SMCHD1: variants seen among roughly 807,000 people sequenced by gnomAD.
SMCHD1 encodes the protein structural maintenance of chromosomes flexible hinge domain containing 1.
Under a neutral mutation model 254.7 loss-of-function variants are expected in SMCHD1, and 78 were observed. That is an observed-to-expected ratio of 0.31 (90% CI 0.26 to 0.37). The LOEUF is 0.37. Ranked by LOEUF, SMCHD1 falls within the 10% of genes least tolerant of loss-of-function variation. SMCHD1 has a pLI of 1.00. For missense variants in SMCHD1, 1,840 were observed against 2,408.1 expected (o/e 0.76, Z 4.94); for synonymous variants, 766 against 794.9 (o/e 0.96, Z 0.61).
At chr18:2,713,491 C>T (rs1263980386) in intron 17 of SMCHD1, among the ~76,000 whole-genome samples, 8 of 151,812 alleles carry the variant, frequency 5.3e-5, no homozygotes, top group African/African-American at 1.9e-4. Flanking sequence ...ATAAACTGGT[C>T]TGGCCAACAT....
intron 17 of SMCHD1, among the ~76,000 whole-genome samples, chr18:2,711,479 GTCTTT>G (rs2074668808): frequency 9.6e-6 from 1 of 103,822 alleles, no homozygotes; most frequent in Admixed American, 1.0e-4. Context: ...TTGGATGTTT[GTCTTT>G]TTTTTTTTTT....
At chr18:2,744,887 C>T (rs2075421806) in intron 29 of SMCHD1, among the ~76,000 whole-genome samples, 1 of 152,012 alleles carries the variant, frequency 6.6e-6, no homozygotes, top group Non-Finnish European at 1.5e-5. Flanking sequence ...CCCAGGCTGG[C>T]GTGTGGAATG....
chr18:2,732,307 C>G lies in SMCHD1; in HGVS notation c.3091C>G (p.Leu1031Val). The change falls in exon 25 of 48, where the codon CTT (leucine) becomes GTT (valine). Residue 1031 changes from leucine (L) to valine (V), a missense_variant. Coordinates refer to ENST00000320876, the MANE Select transcript of SMCHD1 (RefSeq NM_015295.3). ...ACCTGTGGAGAAGACTATTAAGTTG[C>G]TTCCCAGTAGCCATGTTGCAAGACT... Reference protein sequence around the residue: ...VAPVEKTIKLLPSSHVARLQI... With the variant: ...VAPVEKTIKLVPSSHVARLQI... The G allele has an allele frequency of 6.2e-7, 1 of 1,613,724 alleles. No homozygotes were observed. Among genetic ancestry groups the G allele is most frequent in the South Asian group, 1.1e-5 (1 of 91,066 alleles).
chr18:2,758,947 G>A (rs1227131918), intron 34 of SMCHD1, among the ~76,000 whole-genome samples: 1 of 152,034 alleles, frequency 6.6e-6, no homozygotes, highest in Non-Finnish European at 1.5e-5. Context: ...CTTCCTTCCA[G>A]ATGATTACTT....
At chr18:2,688,248 A>G (rs1291375859) in intron 5 of SMCHD1, 146 bp from the exon 6 acceptor site, 6 of 613,432 alleles carry the variant, frequency 9.8e-6, no homozygotes, top group African/African-American at 1.8e-5. Context: ...ACTGGAGTAG[A>G]TGTCTTGACA....
intron 15 of SMCHD1, among the ~76,000 whole-genome samples, chr18:2,706,964 G>A (rs2074529447): frequency 6.6e-6 from 1 of 151,916 alleles, no homozygotes; most frequent in South Asian, 2.1e-4. Context: ...GGCGGCAGAA[G>A]AGAGAGAGAG....
rs550261205 is a variant in SMCHD1, at chr18:2,711,994, T to G, written c.2260+4074T>G. ...ACTGGCTCCCCTTCACCTTCCACCA[T>G]GAGTGGAAGCAGCCTGAGGCTTTCA... On this transcript the variant is annotated intron_variant, in intron 17 of 47. Coordinates refer to ENST00000320876, the MANE Select transcript of SMCHD1 (RefSeq NM_015295.3). 7.2e-5 allele frequency among the ~76,000 whole-genome samples: 11 copies of G among 152,272 alleles called. No individual in the cohort carries two copies. In the East Asian group the frequency reaches 2.1e-3, roughly 29 times the overall value.
intron 34 of SMCHD1, among the ~76,000 whole-genome samples, chr18:2,755,930 A>C (rs1377519753): frequency 6.6e-6 from 1 of 152,210 alleles, no homozygotes. Context: ...TTAAATAGAC[A>C]TGATGAGAGT....
Position 2,697,862 on chromosome 18 carries a change from A to G in SMCHD1, c.1163A>G (p.Lys388Arg), listed in dbSNP as rs1423287130. ...ISMFEKGKVP[K>R]IVNLREIQDD... ...ATGTTTGAAAAAGGGAAGGTACCTA[A>G]GATTGTCAACCTAAGGGAAATACAA... The change falls in exon 10 of 48, where the codon AAG becomes AGG. Residue 388 changes from lysine to arginine, a missense_variant. Coordinates refer to ENST00000320876, the MANE Select transcript of SMCHD1 (RefSeq NM_015295.3). 6.2e-7 allele frequency: 1 copy of G among 1,613,144 alleles called. No homozygotes were observed. Among genetic ancestry groups the G allele is most frequent in the Admixed American group, 1.7e-5 (1 of 60,010 alleles).
At chr18:2,798,878 T>C (rs1344732322) in intron 47 of SMCHD1, among the ~76,000 whole-genome samples, 1 of 152,238 alleles carries the variant, frequency 6.6e-6, no homozygotes, top group Non-Finnish European at 1.5e-5. Flanking sequence ...TAGGCTAAGA[T>C]GTAAGGTACA....
At position 2,698,021 on chromosome 18, in the gene SMCHD1, A is replaced by G; in HGVS notation, c.1322A>G (p.Asp441Gly). Residue 441 changes from aspartate to glycine, a missense_variant, in exon 10 of 48, where the codon GAT becomes GGT. Coordinates refer to ENST00000320876, the MANE Select transcript of SMCHD1 (RefSeq NM_015295.3). ...TTATATGATAGAGAAACTTACCCTG[A>G]TGATCCATGCTTTCCATCAAGTATG... ...PFLYDRETYP[D>G]DPCFPSKLKD... 1 of 1,612,068 alleles carries G rather than the reference A, an allele frequency of 6.2e-7. No homozygotes were observed.
At chr18:2,790,620 G>A (rs1244616060) in intron 45 of SMCHD1, among the ~76,000 whole-genome samples, 1 of 152,132 alleles carries the variant, frequency 6.6e-6, no homozygotes, top group African/African-American at 2.4e-5. Context: ...AATTAGCTGG[G>A]CGTAGTGGCA....
intron 28 of SMCHD1, among the ~76,000 whole-genome samples, chr18:2,741,695 C>G (rs1241558766): frequency 6.6e-6 from 1 of 152,194 alleles, no homozygotes; most frequent in Non-Finnish European, 1.5e-5. Context: ...TCACCCTACA[C>G]GTAGATGAAA....
rs560075391 is a variant in SMCHD1 at position 2,776,540 on chromosome 18, G to A, written c.5366+616G>A. Among the ~76,000 whole-genome samples, 8 of 151,892 alleles carry A rather than the reference G, an allele frequency of 5.3e-5. No individual in the cohort carries two copies. The East Asian group carries it at 1.4e-3, about 26-fold the overall frequency. On this transcript the variant is annotated intron_variant, in intron 42 of 47. Coordinates refer to ENST00000320876, the MANE Select transcript of SMCHD1 (RefSeq NM_015295.3). ...TTATATTTTATATGTACCCTGATTAGGCCTACTTTTTAAAATGTACCTAAA... is the reference window on the plus strand; with the variant it reads ...TTATATTTTATATGTACCCTGATTAAGCCTACTTTTTAAAATGTACCTAAA...
At chr18:2,668,657 C>T (rs571299754) in intron 3 of SMCHD1, among the ~76,000 whole-genome samples, 1 of 152,278 alleles carries the variant, frequency 6.6e-6, no homozygotes, top group East Asian at 1.9e-4. Flanking sequence ...CTGTTTATAG[C>T]AAAACTCCTC....
intron 37 of SMCHD1, among the ~76,000 whole-genome samples, chr18:2,767,925 A>G (rs1160890349): frequency 6.6e-6 from 1 of 152,114 alleles, no homozygotes; most frequent in Admixed American, 6.5e-5. Context: ...AAACCTGTAC[A>G]GTATGTGACT....
intron 20 of SMCHD1, among the ~76,000 whole-genome samples, chr18:2,724,313 T>C (rs2074984215): frequency 6.6e-6 from 1 of 151,962 alleles, no homozygotes; most frequent in Non-Finnish European, 1.5e-5. Context: ...TGCAAAGATC[T>C]ACATCTGGTC....
At chr18:2,681,001 C>T (rs995330237) in intron 5 of SMCHD1, among the ~76,000 whole-genome samples, 2 of 152,162 alleles carry the variant, frequency 1.3e-5, no homozygotes, top group Admixed American at 1.3e-4. Flanking sequence ...CTCAGTGGCT[C>T]ACACCTGTAA....
chr18:2,691,311 A>AGG (rs951615471), intron 7 of SMCHD1, among the ~76,000 whole-genome samples: 4 of 152,302 alleles, frequency 2.6e-5, no homozygotes, highest in Non-Finnish European at 5.9e-5. Context: ...TTTTTCTGCC[A>AGG]GCCTTTTCTG....
Sources: gnomAD v4.1 joint callset for allele counts (sites outside exome capture counted in the v4.1 genomes callset) on GRCh38, gnomAD v4.1.1 for gene constraint, MANE v1.5 for transcripts, NCBI Gene and HGNC (gene_info 2026-07-23, HGNC 2026-07-21) for gene names.